Variants in CIT observed in about 807,000 individuals in gnomAD.
CIT encodes citron rho-interacting serine/threonine kinase, also known as citron Rho-interacting kinase.
A neutral mutation model predicts 272.7 loss-of-function variants in CIT; 79 were observed. That is an observed-to-expected ratio of 0.29 (90% CI 0.24 to 0.35). CIT has a LOEUF of 0.35. Ranked by LOEUF, CIT falls within the 10% of genes least tolerant of loss-of-function variation. The pLI, the probability that CIT is intolerant of heterozygous loss-of-function variation, is 1.00. For synonymous variants in CIT, 948 were observed against 995.6 expected, an observed-to-expected ratio of 0.95 and a Z score of 0.90; for missense variants, 1,909 against 2,618.3, an observed-to-expected ratio of 0.73 and a Z score of 5.91.
Position 119,714,180 on chromosome 12 carries a change from A to C in CIT, c.4306+17T>G. ...ATGCACAGGTGCCCAGCACAGATGC[A>C]CAACTACTGATCTTACCGAGACATT... is the stretch of plus-strand genomic sequence containing the variant. On this transcript the variant is annotated intron_variant, in intron 33 of 47. Coordinates refer to ENST00000392521, the MANE Select transcript of CIT (RefSeq NM_001206999.2). 3 of 1,613,930 alleles carry C rather than the reference A, an allele frequency of 1.9e-6. No individual in the cohort carries two copies.
intron 10 of CIT, among the ~76,000 whole-genome samples, chr12:119,796,717 C>CA (rs1326653381): frequency 6.6e-6 from 1 of 152,010 alleles, no homozygotes; most frequent in African/African-American, 2.4e-5. Flanking sequence ...CACCAAGAAC[C>CA]AACTAGAAAG....
At chr12:119,823,908 T>C (rs1207347007) in intron 8 of CIT, among the ~76,000 whole-genome samples, 5 of 151,318 alleles carry the variant, frequency 3.3e-5, no homozygotes, top group Non-Finnish European at 7.4e-5. Context: ...GGCATGGTGG[T>C]GGGCACCCGT....
intron 5 of CIT, among the ~76,000 whole-genome samples, chr12:119,839,725 C>A (rs902876141): frequency 2.0e-5 from 3 of 151,970 alleles, no homozygotes; most frequent in Non-Finnish European, 4.4e-5. Context: ...ACAGGACACG[C>A]AAAACAGGGA....
intron 47 of CIT, among the ~76,000 whole-genome samples, 190 bp downstream of exon 47, chr12:119,689,961 G>C (rs1405102536): frequency 6.6e-6 from 1 of 152,140 alleles, no homozygotes; most frequent in African/African-American, 2.4e-5. Context: ...TTGCAGGCGT[G>C]AGCCACCACG....
intron 9 of CIT, among the ~76,000 whole-genome samples, chr12:119,807,444 C>T (rs958644154): frequency 2.0e-5 from 3 of 152,032 alleles, no homozygotes; most frequent in Admixed American, 1.3e-4. Flanking sequence ...TAAAATGTCT[C>T]TTTTTTGATC....
At chr12:119,824,108 GTATA>G (rs59234933) in intron 8 of CIT, among the ~76,000 whole-genome samples, 11,678 of 125,112 alleles carry the variant, frequency 0.093, 557 homozygotes, top group East Asian at 0.16. Context: ...TAGTTTTACT[GTATA>G]TATATATATA....
intron 9 of CIT, among the ~76,000 whole-genome samples, chr12:119,815,856 C>T (rs923306531): frequency 5.9e-5 from 9 of 151,400 alleles, no homozygotes; most frequent in African/African-American, 1.9e-4. Context: ...AGGGGTTGGG[C>T]GTGGGGTGGG....
At chr12:119,849,109 T>C (rs2138237847) in intron 5 of CIT, among the ~76,000 whole-genome samples, 1 of 152,084 alleles carries the variant, frequency 6.6e-6, no homozygotes, top group African/African-American at 2.4e-5. Context: ...TAACATTTCT[T>C]CCCCTAGGGA....
chr12:119,816,656 CTCTGAGTAGCAAGG>C (rs1184202961), intron 9 of CIT, among the ~76,000 whole-genome samples: 1 of 152,178 alleles, frequency 6.6e-6, no homozygotes, highest in East Asian at 1.9e-4. Flanking sequence ...ACGGACCACA[CTCTGAGTAGCAAGG>C]TCCTACTGCC....
At chr12:119,740,988 G>T (rs752356780) in intron 24 of CIT, among the ~76,000 whole-genome samples, 1 of 152,086 alleles carries the variant, frequency 6.6e-6, no homozygotes, top group Non-Finnish European at 1.5e-5. Flanking sequence ...AGTAATTCTT[G>T]GGGATATGTT....
In CIT at chr12:119,876,215, A is replaced by G. The variant is rs377215079; in HGVS notation, c.-13-34T>C. The G allele has an allele frequency of 4.4e-5, 62 of 1,423,518 alleles. No homozygotes were observed. The African/African-American group carries it at 4.6e-4, about 11-fold the overall frequency. 88.2% of individuals were successfully genotyped at this position (1,423,518 alleles called of 1,614,324 possible). Reference sequence around the variant, plus strand: ...ATATCAGAAAAGTCAAGTGTGTCCTATGTTTTGAGCAGGAAGGGCCTGAGA... The same window carrying G: ...ATATCAGAAAAGTCAAGTGTGTCCTGTGTTTTGAGCAGGAAGGGCCTGAGA... On this transcript the variant is annotated intron_variant, in intron 1 of 47. Coordinates refer to ENST00000392521, the MANE Select transcript of CIT (RefSeq NM_001206999.2).
At chr12:119,723,261 T>C (rs997582178) in intron 28 of CIT, among the ~76,000 whole-genome samples, 1 of 152,122 alleles carries the variant, frequency 6.6e-6, no homozygotes, top group African/African-American at 2.4e-5. Context: ...CATTAATTAC[T>C]AGGCAGAAAC....
intron 28 of CIT, among the ~76,000 whole-genome samples, chr12:119,723,426 G>A (rs1957910893): frequency 6.6e-6 from 1 of 151,462 alleles, no homozygotes; most frequent in Non-Finnish European, 1.5e-5. Context: ...AAGTAAGCGG[G>A]GCATTTGTAC....
chr12:119,811,781 C>G (rs1381564825), intron 9 of CIT, among the ~76,000 whole-genome samples: 2 of 152,106 alleles, frequency 1.3e-5, no homozygotes, highest in Non-Finnish European at 2.9e-5. Context: ...GTTTTTTTCT[C>G]TCCCTCTCAG....
In CIT at chr12:119,710,703, A is replaced by G; in HGVS notation, c.4855-83T>C. The G allele has an allele frequency of 7.5e-7, 1 of 1,328,566 alleles. No individual in the cohort carries two copies. Among genetic ancestry groups the G allele is most frequent in the East Asian group, 2.3e-5 (1 of 43,536 alleles). The allele number at this position is 1,328,566 out of a possible 1,614,324, so 82.3% of individuals were successfully genotyped here. ...GACCAAACCATCCAGAGAAACCAAG[A>G]GAAGGTTAAGGCCAAGTTATTCCTG... On this transcript the variant is annotated intron_variant, in intron 37 of 47. Transcript: ENST00000392521. This position sits in a 1 kb window ranked among gnomAD's most constrained non-coding sequence, Gnocchi z 5.6.
chr12:119,799,668 T>TCTTC (rs1483865066), intron 10 of CIT, among the ~76,000 whole-genome samples: 2 of 152,176 alleles, frequency 1.3e-5, no homozygotes, highest in Non-Finnish European at 2.9e-5. Flanking sequence ...GTTCCCCAAC[T>TCTTC]CTTCCAAAAG....
rs1225344107 is a variant in CIT, at chr12:119,825,263, A to T, written c.859T>A (p.Trp287Arg). The change falls in exon 8 of 48, where the codon TGG becomes AGG. Residue 287 changes from tryptophan (W) to arginine (R), a missense_variant. By Grantham distance (101) the Trp-to-Arg change is moderately radical (BLOSUM62 -3). This residue lies in a region of CIT where 529 missense variants were observed against 549.6 expected (regional missense o/e 0.96). Transcript: ENST00000392521. Reference protein sequence around the residue: ...KGTYGLDCDWWSVGVIAYEMI... With the variant: ...KGTYGLDCDWRSVGVIAYEMI... The stretch of plus-strand genomic sequence containing the variant: ...TCATAGGCAATCACGCCCACTGACC[A>T]CCAGTCACAGTCCAGGCCGTAGGTG... 6.2e-7 allele frequency: 1 copy of T among 1,614,106 alleles called. No individual in the cohort carries two copies. Among genetic ancestry groups the T allele is most frequent in the Non-Finnish European group, 8.5e-7 (1 of 1,180,006 alleles).
chr12:119,857,179 G>A (rs1027565100), intron 4 of CIT, among the ~76,000 whole-genome samples: 16 of 152,154 alleles, frequency 1.1e-4, no homozygotes, highest in African/African-American at 3.9e-4. Context: ...GTGTACAAAA[G>A]CAATCTGATT....
chr12:119,747,926 G>A (rs1565982237), intron 23 of CIT, among the ~76,000 whole-genome samples: 1 of 152,170 alleles, frequency 6.6e-6, no homozygotes, highest in Non-Finnish European at 1.5e-5. Flanking sequence ...CACTTTGAGA[G>A]ACCAAGGCAG....
Sources: gnomAD v4.1 joint callset for allele counts (sites outside exome capture counted in the v4.1 genomes callset) on GRCh38, gnomAD v4.1.1 for gene constraint, gnomAD v4.1.1 regional missense constraint, Gnocchi (gnomAD v3.1) non-coding constraint, MANE v1.5 for transcripts, NCBI Gene and HGNC (gene_info 2026-07-23, HGNC 2026-07-21) for gene names.